KCNQ1: variants seen among roughly 807,000 people sequenced by gnomAD.
KCNQ1 encodes the protein potassium voltage-gated channel subfamily Q member 1.
KCNQ1 carries 49 observed loss-of-function variants against 72.4 expected under a neutral mutation model. That is an observed-to-expected ratio of 0.68 (90% CI 0.54 to 0.86). The LOEUF (loss-of-function observed/expected upper bound fraction) is 0.86. Among genes scored for constraint, KCNQ1 ranks in the 40% least tolerant of loss-of-function variants. The pLI, the probability that KCNQ1 is intolerant of heterozygous loss-of-function variation, is 0.00. For missense variants in KCNQ1, 790 were observed against 945.1 expected (o/e 0.84, Z 2.15); for synonymous variants, 450 against 412.6 (o/e 1.09, Z -1.10).
intron 1 of KCNQ1, among the ~76,000 whole-genome samples, chr11:2,510,291 AT>A (rs139462211): frequency 2.9e-4 from 44 of 151,108 alleles, no homozygotes; most frequent in African/African-American, 1.0e-3. Context: ...AAAAAAAAAA[AT>A]TTTTAAATAA....
In KCNQ1 at chr11:2,642,263, T is replaced by C. The variant is rs1849591919; in HGVS notation, c.1394-19698T>C. The C allele has an allele frequency of 2.5e-6, 1 of 398,310 alleles. No individual in the cohort carries two copies. Among genetic ancestry groups the C allele is most frequent in the African/African-American group, 2.1e-5 (1 of 48,636 alleles). The allele number at this position is 398,310 out of a possible 1,614,324, so 24.7% of individuals were successfully genotyped here. A position where few individuals can be genotyped will look rare whatever the true frequency, so the allele number is the denominator to read the frequency against. ...CCCAATCCATGAGAATGGGATGTTT[T>C]TTGTGTGTTCTTTTCAATTTCTTTC... is the stretch of plus-strand genomic sequence containing the variant. On this transcript the variant is annotated intron_variant, in intron 10 of 15. Coordinates refer to ENST00000155840, the MANE Select transcript of KCNQ1 (RefSeq NM_000218.3). The surrounding 1 kb of genome is among the most constrained non-coding windows in gnomAD (Gnocchi z 4.3).
intron 8 of KCNQ1, 103 bp from the exon 9 acceptor site, chr11:2,587,467 G>A: frequency 6.5e-7 from 1 of 1,542,608 alleles, no homozygotes; most frequent in South Asian, 1.1e-5. Flanking sequence ...ACCCAGAGGG[G>A]AGGGGCCAGG....
intron 15 of KCNQ1, among the ~76,000 whole-genome samples, chr11:2,802,768 G>T (rs1052800519): frequency 2.6e-4 from 40 of 152,192 alleles, no homozygotes; most frequent in Non-Finnish European, 8.8e-5. Flanking sequence ...AGCTAGAGGG[G>T]AGAAGCCACT....
intron 10 of KCNQ1, among the ~76,000 whole-genome samples, chr11:2,594,930 T>C (rs925412716): frequency 6.6e-6 from 1 of 152,226 alleles, no homozygotes; most frequent in Non-Finnish European, 1.5e-5. Flanking sequence ...GGGTTTGCAA[T>C]TTAGATCATG....
chr11:2,578,419 A>G (rs953858350), intron 6 of KCNQ1, among the ~76,000 whole-genome samples: 3 of 152,224 alleles, frequency 2.0e-5, no homozygotes, highest in Non-Finnish European at 4.4e-5. Flanking sequence ...CCCTGGAACC[A>G]CTGAGACAGG....
In KCNQ1 at chr11:2,683,826, CT is replaced by C. The variant is rs1213986075; in HGVS notation, c.1514+21748del. On this transcript the variant is annotated intron_variant, in intron 11 of 15. Coordinates refer to ENST00000155840, the MANE Select transcript of KCNQ1 (RefSeq NM_000218.3). The surrounding 1 kb of genome is among the most constrained non-coding windows in gnomAD (Gnocchi z 4.7). The stretch of plus-strand genomic sequence containing the variant: ...TCCCAGCCACTAGCTTGCAGAATGG[CT>C]TTGTTGGATTCCCCTCCCTGGCCCC... 2.5e-6 allele frequency: 1 copy of C among 398,558 alleles called. No individual in the cohort carries two copies. Among genetic ancestry groups the C allele is most frequent in the Admixed American group, 4.4e-5 (1 of 22,722 alleles). 24.7% of individuals were successfully genotyped at this position (398,558 alleles called of 1,614,324 possible). A position where few individuals can be genotyped will look rare whatever the true frequency, so the allele number is the denominator to read the frequency against.
intron 6 of KCNQ1, among the ~76,000 whole-genome samples, chr11:2,576,101 A>G (rs1405080005): frequency 1.2e-4 from 19 of 152,182 alleles, no homozygotes; most frequent in Admixed American, 1.2e-3. Context: ...TTGAATCTTC[A>G]AAGAGCCTAT....
chr11:2,656,693 A>G (rs373449554), intron 10 of KCNQ1: 6 of 398,200 alleles, frequency 1.5e-5, no homozygotes, highest in Non-Finnish European at 2.7e-5. Flanking sequence ...TCACTCTTTA[A>G]GGTGTATTTT....
In KCNQ1 at chr11:2,559,654, A is replaced by T. The variant is rs1328287817; in HGVS notation, c.478-10974A>T. On this transcript the variant is annotated intron_variant, in intron 2 of 15. Coordinates refer to ENST00000155840, the MANE Select transcript of KCNQ1 (RefSeq NM_000218.3). The surrounding 1 kb of genome is among the most constrained non-coding windows in gnomAD (Gnocchi z 4.9). ...CACCAGGAAGAAGACACGTCCGGGCAGCTGGCAGGTGGGGCTAGTTCTGGA... is the reference window on the plus strand; with the variant it reads ...CACCAGGAAGAAGACACGTCCGGGCTGCTGGCAGGTGGGGCTAGTTCTGGA... 1.3e-5 allele frequency among the ~76,000 whole-genome samples: 2 copies of T among 152,204 alleles called. No individual in the cohort carries two copies. Among genetic ancestry groups the T allele is most frequent in the African/African-American group, 4.8e-5 (2 of 41,454 alleles).
chr11:2,490,532 G>C (rs1255233711), intron 1 of KCNQ1, among the ~76,000 whole-genome samples: 1 of 152,232 alleles, frequency 6.6e-6, no homozygotes, highest in African/African-American at 2.4e-5. Context: ...GTGGCCACAG[G>C]TAAGCTTGTG....
chr11:2,580,595 G>C (rs766376460), intron 6 of KCNQ1, among the ~76,000 whole-genome samples: 3 of 152,188 alleles, frequency 2.0e-5, no homozygotes, highest in African/African-American at 7.2e-5. Flanking sequence ...GGGAGCAGGA[G>C]TGCCTGTTAG....
intron 15 of KCNQ1, among the ~76,000 whole-genome samples, chr11:2,812,474 CT>C (rs1847509450): frequency 6.6e-6 from 1 of 152,216 alleles, no homozygotes; most frequent in African/African-American, 2.4e-5. Context: ...TCTGTGGCCC[CT>C]GATCTTCCTA....
In KCNQ1 at chr11:2,769,874, C is replaced by T. The variant is rs542144446; in HGVS notation, c.1590+955C>T. On this transcript the variant is annotated intron_variant, in intron 12 of 15. Transcript: ENST00000155840. The surrounding 1 kb of genome is among the most constrained non-coding windows in gnomAD (Gnocchi z 4.6). ...AGCCTCACCAGTCATAAGGCACAGC[C>T]CAGGAAGGCTCAGCAATGTCCGCCG... 6.6e-6 allele frequency among the ~76,000 whole-genome samples: 1 copy of T among 152,182 alleles called. No individual in the cohort carries two copies. The highest frequency in any genetic ancestry group is 2.4e-5 in the African/African-American group (1 of 41,506).
intron 15 of KCNQ1, among the ~76,000 whole-genome samples, chr11:2,821,750 T>C (rs1459080200): frequency 6.6e-6 from 1 of 152,136 alleles, no homozygotes; most frequent in Non-Finnish European, 1.5e-5. Flanking sequence ...GGCTGCTATG[T>C]ACTGGTCCTA....
Position 2,482,489 on chromosome 11 carries a change from A to G in KCNQ1, c.386+37005A>G, listed in dbSNP as rs1317745269. On this transcript the variant is annotated intron_variant, in intron 1 of 15. Coordinates refer to ENST00000155840, the MANE Select transcript of KCNQ1 (RefSeq NM_000218.3). The surrounding 1 kb of genome is among the most constrained non-coding windows in gnomAD (Gnocchi z 5.7). The stretch of plus-strand genomic sequence containing the variant: ...TACACTCATTTTTGCCTGGAACTCA[A>G]GATTATTTCCTTGGGTCACATTTGC... Among the ~76,000 whole-genome samples the G allele has an allele frequency of 6.6e-6, 1 of 152,116 alleles. No individual in the cohort carries two copies. Among genetic ancestry groups the G allele is most frequent in the Non-Finnish European group, 1.5e-5 (1 of 68,024 alleles).
intron 11 of KCNQ1, among the ~76,000 whole-genome samples, chr11:2,726,790 A>G (rs1845772481): frequency 6.6e-6 from 1 of 152,202 alleles, no homozygotes; most frequent in African/African-American, 2.4e-5. Context: ...GACTGTGCCC[A>G]TCTCCTCACT....
Position 2,473,518 on chromosome 11 carries a change from C to T in KCNQ1, c.386+28034C>T, listed in dbSNP as rs1846523105. On this transcript the variant is annotated intron_variant, in intron 1 of 15. Coordinates refer to ENST00000155840, the MANE Select transcript of KCNQ1 (RefSeq NM_000218.3). This position sits in a 1 kb window ranked among gnomAD's most constrained non-coding sequence, Gnocchi z 6.0. Reference sequence around the variant, plus strand: ...CCAAGGGGCAAGGCCGTTTCCCGTCCTGGTCCGTCGTTGAGTCCCCTGCCG... The same window carrying T: ...CCAAGGGGCAAGGCCGTTTCCCGTCTTGGTCCGTCGTTGAGTCCCCTGCCG... Among the ~76,000 whole-genome samples, 2 of 152,216 alleles carry T rather than the reference C, an allele frequency of 1.3e-5. No individual in the cohort carries two copies. The highest frequency in any genetic ancestry group is 2.9e-5 in the Non-Finnish European group (2 of 68,042).
chr11:2,451,819 G>A lies in KCNQ1; in HGVS notation c.386+6335G>A, dbSNP rs142187868. Among the ~76,000 whole-genome samples the A allele has an allele frequency of 3.7e-3, 570 of 152,268 alleles. 4 individuals are homozygous for A. Among genetic ancestry groups the A allele is most frequent in the African/African-American group, 0.013 (548 of 41,538 alleles). On this transcript the variant is annotated intron_variant, in intron 1 of 15. Coordinates refer to ENST00000155840, the MANE Select transcript of KCNQ1 (RefSeq NM_000218.3). The surrounding 1 kb of genome is among the most constrained non-coding windows in gnomAD (Gnocchi z 6.4). ...GTCGCCTTACAGATGAGACAACTAGGCCTGGCCACTTTGCTCATGCCACAC... is the reference window on the plus strand; with the variant it reads ...GTCGCCTTACAGATGAGACAACTAGACCTGGCCACTTTGCTCATGCCACAC...
In KCNQ1 at chr11:2,516,787, C is replaced by T. The variant is rs1158195345; in HGVS notation, c.387-11141C>T. Among the ~76,000 whole-genome samples, 1 of 152,164 alleles carries T rather than the reference C, an allele frequency of 6.6e-6. No individual in the cohort carries two copies. Among genetic ancestry groups the T allele is most frequent in the Non-Finnish European group, 1.5e-5 (1 of 68,038 alleles). On this transcript the variant is annotated intron_variant, in intron 1 of 15. Coordinates refer to ENST00000155840, the MANE Select transcript of KCNQ1 (RefSeq NM_000218.3). The surrounding 1 kb of genome is among the most constrained non-coding windows in gnomAD (Gnocchi z 7.0). ...CTGCCCCACCACGCCTAGGACATTT[C>T]CTCTCTGGCCCAGAGGTGTGCCAGG...
Sources: allele counts gnomAD v4.1 joint callset (sites outside exome capture counted in the v4.1 genomes callset), GRCh38; gene constraint gnomAD v4.1.1; non-coding constraint Gnocchi (gnomAD v3.1); transcripts MANE v1.5; gene names NCBI Gene and HGNC (gene_info 2026-07-23, HGNC 2026-07-21).